COG5: variants seen among roughly 807,000 people sequenced by gnomAD.
COG5 encodes the protein component of oligomeric golgi complex 5, also known as conserved oligomeric Golgi complex subunit 5.
Under a neutral mutation model 110.4 loss-of-function variants are expected in COG5, and 86 were observed. The ratio of observed to expected loss-of-function variants is 0.78; its 90% CI spans 0.65 to 0.93. COG5 has a LOEUF of 0.93. Ranked by LOEUF, COG5 falls within the 40% of genes least tolerant of loss-of-function variation. The pLI is 0.00. For missense variants in COG5, 1,077 were observed against 987.0 expected, an observed-to-expected ratio of 1.09 and a Z score of -1.22; for synonymous variants, 360 against 334.6, an observed-to-expected ratio of 1.08 and a Z score of -0.83.
chr7:107,210,587 T>C lies in COG5; in HGVS notation c.2314A>G (p.Thr772Ala), dbSNP rs755741564. ...SPFQRAEWSHTRFSQWLDDHP... is the reference protein window; with the variant it reads ...SPFQRAEWSHARFSQWLDDHP... ...TCATCCAGCCACTGAGAGAAGCGTG[T>C]GTGGGACCACTCTGCCCTCTGCAGG... The change falls in exon 21 of 22, where the codon ACA (threonine) becomes GCA (alanine). Residue 772 changes from threonine (T) to alanine (A), a missense_variant. By Grantham distance (58) the Thr-to-Ala change is moderately conservative. Coordinates refer to ENST00000297135, the MANE Select transcript of COG5 (RefSeq NM_006348.5). 2 of 1,603,672 alleles carry C rather than the reference T, an allele frequency of 1.2e-6. No individual in the cohort carries two copies. Among genetic ancestry groups the C allele is most frequent in the African/African-American group, 2.7e-5 (2 of 74,892 alleles).
chr7:107,498,266 A>G (rs909218102), intron 6 of COG5, among the ~76,000 whole-genome samples: 2 of 152,216 alleles, frequency 1.3e-5, no homozygotes, highest in African/African-American at 2.4e-5. Flanking sequence ...CAACAAATGC[A>G]AAAACAGACA....
chr7:107,441,759 A>G (rs1396777979), intron 6 of COG5, among the ~76,000 whole-genome samples: 1 of 152,162 alleles, frequency 6.6e-6, no homozygotes, highest in Non-Finnish European at 1.5e-5. Flanking sequence ...CTTAGACCAT[A>G]TGTGCTAAAT....
intron 10 of COG5, among the ~76,000 whole-genome samples, chr7:107,352,931 G>A (rs571980389): frequency 1.3e-5 from 2 of 152,254 alleles, no homozygotes; most frequent in South Asian, 4.1e-4. Context: ...TTTCCAATGT[G>A]TGGATCCTTA....
intron 5 of COG5, among the ~76,000 whole-genome samples, chr7:107,532,706 G>C (rs995223345): frequency 6.6e-6 from 1 of 151,978 alleles, no homozygotes; most frequent in Non-Finnish European, 1.5e-5. Context: ...TAGCTCTCAA[G>C]GACACAGGAG....
At chr7:107,489,196 A>C (rs545651629) in intron 6 of COG5, among the ~76,000 whole-genome samples, 23 of 152,306 alleles carry the variant, frequency 1.5e-4, no homozygotes, top group African/African-American at 5.3e-4. Flanking sequence ...AATGTCCTTA[A>C]ATGTTCTCTA....
rs1288578512 is a variant in COG5 at position 107,412,651 on chromosome 7, T to C, written c.539-19A>G. The C allele has an allele frequency of 7.2e-7, 1 of 1,391,072 alleles. No homozygotes were observed. Among genetic ancestry groups the C allele is most frequent in the Non-Finnish European group, 1.0e-6 (1 of 986,482 alleles). 86.2% of individuals were successfully genotyped at this position (1,391,072 alleles called of 1,614,324 possible). A position where few individuals can be genotyped will look rare whatever the true frequency, so the allele number is the denominator to read the frequency against. On this transcript the variant is annotated intron_variant, in intron 6 of 21. Coordinates refer to ENST00000297135, the MANE Select transcript of COG5 (RefSeq NM_006348.5). ...AGATAATCTGTTTAAAACAAAAACA[T>C]ACACATTCAAATATTTCAATACTGA...
chr7:107,273,684 T>C (rs757983269), intron 14 of COG5, among the ~76,000 whole-genome samples: 7 of 151,866 alleles, frequency 4.6e-5, no homozygotes, highest in Non-Finnish European at 7.4e-5. Flanking sequence ...AGTTATTCAA[T>C]TGCTCAATTG....
chr7:107,445,937 TAC>T (rs766574147), intron 6 of COG5, among the ~76,000 whole-genome samples: 7 of 152,174 alleles, frequency 4.6e-5, no homozygotes, highest in Non-Finnish European at 8.8e-5. Flanking sequence ...TGTGTAGGGA[TAC>T]ACAGACTGCC....
chr7:107,421,696 G>T (rs1793303939), intron 6 of COG5, among the ~76,000 whole-genome samples: 1 of 151,770 alleles, frequency 6.6e-6, no homozygotes, highest in South Asian at 2.1e-4. Context: ...GGCGGGGGAT[G>T]GGGAGGTTGC....
chr7:107,505,115 C>T (rs897046604), intron 6 of COG5, among the ~76,000 whole-genome samples: 9 of 152,206 alleles, frequency 5.9e-5, no homozygotes, highest in Non-Finnish European at 1.0e-4. Context: ...GACGCTTAAT[C>T]TCATTCCCCT....
At chr7:107,361,923 G>T in intron 10 of COG5, 110 bp downstream of exon 10, 8 of 692,026 alleles carry the variant, frequency 1.2e-5, no homozygotes, top group Non-Finnish European at 7.8e-6. Context: ...CTTCTCTATT[G>T]CCATCTGATA....
chr7:107,426,939 T>A (rs185655689), intron 6 of COG5, among the ~76,000 whole-genome samples: 5 of 152,318 alleles, frequency 3.3e-5, no homozygotes, highest in African/African-American at 9.6e-5. Flanking sequence ...AGTAAGGAAC[T>A]GGAGTTCTGG....
At chr7:107,246,208 A>C (rs1802044201) in intron 17 of COG5, among the ~76,000 whole-genome samples, 1 of 152,200 alleles carries the variant, frequency 6.6e-6, no homozygotes, top group African/African-American at 2.4e-5. Flanking sequence ...ATACACAAAA[A>C]TCAACTCAAG....
chr7:107,309,879 T>C (rs529491869), intron 11 of COG5, among the ~76,000 whole-genome samples: 1 of 152,320 alleles, frequency 6.6e-6, no homozygotes, highest in African/African-American at 2.4e-5. Flanking sequence ...TTCCTGCCAA[T>C]GTATTCTTCA....
At chr7:107,450,220 G>T in intron 6 of COG5, 1 of 158,730 alleles carries the variant, frequency 6.3e-6, no homozygotes, top group East Asian at 1.6e-4. Context: ...GCTAAACCAA[G>T]ATGAAGAAAC....
At chr7:107,391,064 A>G (rs1790589164) in intron 7 of COG5, among the ~76,000 whole-genome samples, 2 of 152,152 alleles carry the variant, frequency 1.3e-5, no homozygotes, top group East Asian at 1.9e-4. Flanking sequence ...ACCTTTGACC[A>G]TCCACGGATG....
At chr7:107,236,741 T>C in intron 17 of COG5, 54 bp from the exon 18 acceptor site, 2 of 1,172,292 alleles carry the variant, frequency 1.7e-6, no homozygotes, top group Non-Finnish European at 2.6e-6. Flanking sequence ...TCACACTCTT[T>C]GATTTTGTAC....
intron 2 of COG5, 26 bp downstream of exon 2, chr7:107,557,950 A>G (rs760014341): frequency 6.2e-7 from 1 of 1,613,444 alleles, no homozygotes; most frequent in Non-Finnish European, 8.5e-7. Context: ...TGAATAATCC[A>G]TAGGGACCCA....
At chr7:107,383,405 A>C (rs1002617603) in intron 7 of COG5, among the ~76,000 whole-genome samples, 28 of 152,146 alleles carry the variant, frequency 1.8e-4, no homozygotes, top group Admixed American at 7.9e-4. Flanking sequence ...TGACAAGCCA[A>C]CCCCAACCTT....
Sources: allele counts gnomAD v4.1 joint callset (sites outside exome capture counted in the v4.1 genomes callset), GRCh38; gene constraint gnomAD v4.1.1; transcripts MANE v1.5; gene names NCBI Gene and HGNC (gene_info 2026-07-23, HGNC 2026-07-21).